Variants in CDRT4 observed in about 807,000 individuals in gnomAD.
CDRT4 encodes the protein CMT1A duplicated region transcript 4.
For synonymous variants in CDRT4, 64 were observed against 69.6 expected (o/e 0.92, Z 0.40); for missense variants, 167 against 193.1 (o/e 0.87, Z 0.80).
In CDRT4 at chr17:15,456,842, C is replaced by A. The variant is rs189998397; in HGVS notation, c.-129-3757G>T. Among the ~76,000 whole-genome samples, 9 of 152,200 alleles carry A rather than the reference C, an allele frequency of 5.9e-5. No individual in the cohort carries two copies. In the East Asian group the frequency reaches 1.7e-3, roughly 29 times the overall value. On this transcript the variant is annotated intron_variant, in intron 1 of 3. Transcript: ENST00000619038. ...ACACAAGAACGCAGAAACTATTGTG[C>A]ATGGTGGACCCAAAGAGTGCCTTTA...
chr17:15,440,498 T>C (rs1166137421), intron 2 of CDRT4, among the ~76,000 whole-genome samples: 2 of 152,112 alleles, frequency 1.3e-5, no homozygotes, highest in Non-Finnish European at 2.9e-5. Context: ...TCAAGAGCTG[T>C]AGACTGTCAT....
At chr17:15,462,958 T>A (rs1488621475) in intron 1 of CDRT4, among the ~76,000 whole-genome samples, 1 of 152,178 alleles carries the variant, frequency 6.6e-6, no homozygotes, top group African/African-American at 2.4e-5. Context: ...GAGCACTTCA[T>A]ATTTCAAATT....
intron 2 of CDRT4, among the ~76,000 whole-genome samples, chr17:15,449,774 A>G (rs1296889118): frequency 1.3e-5 from 2 of 152,168 alleles, no homozygotes; most frequent in Non-Finnish European, 2.9e-5. Flanking sequence ...ATGTGTACAC[A>G]TCGTTTACCT....
chr17:15,465,220 CAA>C (rs1979962200), intron 1 of CDRT4, among the ~76,000 whole-genome samples: 1 of 130,218 alleles, frequency 7.7e-6, no homozygotes. Flanking sequence ...AGACACACAC[CAA>C]CACACAGACA....
At chr17:15,457,321 T>C (rs1376523440) in intron 1 of CDRT4, among the ~76,000 whole-genome samples, 4 of 152,170 alleles carry the variant, frequency 2.6e-5, no homozygotes, top group African/African-American at 9.7e-5. Flanking sequence ...ACTCAGCTTG[T>C]TCTCATTCCC....
chr17:15,457,690 G>A (rs574626200), intron 1 of CDRT4, among the ~76,000 whole-genome samples: 1 of 152,338 alleles, frequency 6.6e-6, no homozygotes, highest in Non-Finnish European at 1.5e-5. Flanking sequence ...GGAATGTGGA[G>A]CCAGCAGGGT....
intron 1 of CDRT4, among the ~76,000 whole-genome samples, chr17:15,460,970 T>C (rs912857907): frequency 1.3e-5 from 2 of 150,726 alleles, no homozygotes; most frequent in East Asian, 2.0e-4. Context: ...TCCCTCCAGA[T>C]TGACTTTCGC....
At chr17:15,465,083 GACAC>G (rs1979945400) in intron 1 of CDRT4, among the ~76,000 whole-genome samples, 1 of 121,350 alleles carries the variant, frequency 8.2e-6, no homozygotes, top group Non-Finnish European at 1.6e-5. Flanking sequence ...CACCAATACA[GACAC>G]ACACAACACA....
At chr17:15,442,469 G>A (rs768427270) in intron 2 of CDRT4, among the ~76,000 whole-genome samples, 8 of 152,038 alleles carry the variant, frequency 5.3e-5, no homozygotes, top group Non-Finnish European at 1.2e-4. Flanking sequence ...CTGTAAATAG[G>A]ATGCCAGATG....
intron 2 of CDRT4, among the ~76,000 whole-genome samples, chr17:15,441,637 A>G (rs1376641933): frequency 2.0e-5 from 3 of 152,184 alleles, no homozygotes; most frequent in African/African-American, 7.2e-5. Context: ...GACAGGGTCA[A>G]CTTTAAATTC....
In CDRT4 at chr17:15,443,588, T is replaced by C. The variant is rs571904581; in HGVS notation, c.-47-3303A>G. On this transcript the variant is annotated intron_variant, in intron 2 of 3. Transcript: ENST00000619038. The stretch of plus-strand genomic sequence containing the variant: ...GTGAATCATAACACCTAGCCCACAG[T>C]TGTTTTAAAAATGTCTGGTAATTGC... 408 of 303,028 alleles carry C rather than the reference T, an allele frequency of 1.3e-3. 2 individuals carry two copies. The highest frequency in any genetic ancestry group is 5.0e-3 in the Admixed American group (110 of 21,966). The allele number at this position is 303,028 out of a possible 1,614,324, so 18.8% of individuals were successfully genotyped here.
rs1979908668 is a variant in CDRT4 at position 15,464,582 on chromosome 17, A to G, written c.-130+2878T>C. Among the ~76,000 whole-genome samples, 1 of 151,758 alleles carries G rather than the reference A, an allele frequency of 6.6e-6. No individual in the cohort carries two copies. The highest frequency in any genetic ancestry group is 2.4e-5 in the African/African-American group (1 of 41,264). Reference sequence around the variant, plus strand: ...TGTCCTTTCCTGTGCCCTCACCCCAATCTCTGCTGGTGCACCTCCCTGGCA... The same window carrying G: ...TGTCCTTTCCTGTGCCCTCACCCCAGTCTCTGCTGGTGCACCTCCCTGGCA... On this transcript the variant is annotated intron_variant, in intron 1 of 3. Transcript: ENST00000619038. This position sits in a 1 kb window ranked among gnomAD's most constrained non-coding sequence, Gnocchi z 4.5.
intron 1 of CDRT4, among the ~76,000 whole-genome samples, chr17:15,465,096 C>A (rs893969712): frequency 6.9e-6 from 1 of 145,612 alleles, no homozygotes; most frequent in African/African-American, 2.6e-5. Flanking sequence ...ACACACAACA[C>A]AGACACACAC....
At chr17:15,449,885 A>G (rs1455818086) in intron 2 of CDRT4, among the ~76,000 whole-genome samples, 1 of 152,204 alleles carries the variant, frequency 6.6e-6, no homozygotes, top group Non-Finnish European at 1.5e-5. Context: ...TGCAAAGGAC[A>G]GTCTTTCATT....
At position 15,464,345 on chromosome 17, in the gene CDRT4, C is replaced by G. The variant is rs1257309163; in HGVS notation, c.-130+3115G>C. ...GGCAGAGACCAGCACCTGCCCTAGG[C>G]TTGGCCCCTGGCACAAGTCAAAGGA... On this transcript the variant is annotated intron_variant, in intron 1 of 3. Transcript: ENST00000619038. This position sits in a 1 kb window ranked among gnomAD's most constrained non-coding sequence, Gnocchi z 4.5. Among the ~76,000 whole-genome samples the G allele has an allele frequency of 6.6e-6, 1 of 152,142 alleles. No individual in the cohort carries two copies. Among genetic ancestry groups the G allele is most frequent in the African/African-American group, 2.4e-5 (1 of 41,424 alleles).
intron 2 of CDRT4, among the ~76,000 whole-genome samples, chr17:15,449,329 G>C (rs1303818554): frequency 6.6e-6 from 1 of 152,246 alleles, no homozygotes; most frequent in Non-Finnish European, 1.5e-5. Flanking sequence ...TCACAGGCAA[G>C]TAAACTGGAG....
intron 2 of CDRT4, among the ~76,000 whole-genome samples, chr17:15,444,712 C>A (rs576866787): frequency 4.2e-4 from 49 of 117,894 alleles, no homozygotes; most frequent in African/African-American, 2.0e-3. Context: ...ATTAGCCAAG[C>A]GCAGAGAGAG....
At chr17:15,454,193 A>G (rs1215704182) in intron 1 of CDRT4, among the ~76,000 whole-genome samples, 1 of 151,848 alleles carries the variant, frequency 6.6e-6, no homozygotes, top group Non-Finnish European at 1.5e-5. Context: ...CCTACATCTC[A>G]CCCATCCCTC....
intron 2 of CDRT4, among the ~76,000 whole-genome samples, chr17:15,451,640 C>T (rs1979269230): frequency 6.6e-6 from 1 of 152,162 alleles, no homozygotes; most frequent in Non-Finnish European, 1.5e-5. Flanking sequence ...AGCTTGTTCC[C>T]ACCTCAGGGT....
Sources: allele counts gnomAD v4.1 joint callset (sites outside exome capture counted in the v4.1 genomes callset), GRCh38; gene constraint gnomAD v4.1.1; non-coding constraint Gnocchi (gnomAD v3.1); transcripts MANE v1.5; gene names NCBI Gene and HGNC (gene_info 2026-07-23, HGNC 2026-07-21).